Variants in GPHN observed in about 807,000 individuals in gnomAD.
The protein encoded by GPHN is gephyrin.
GPHN carries 17 observed loss-of-function variants against 95.5 expected under a neutral mutation model. The ratio of observed to expected loss-of-function variants is 0.18; its 90% CI spans 0.12 to 0.27. GPHN has a LOEUF of 0.27. GPHN is among the 10% of genes least tolerant of loss of function. The pLI, the probability that GPHN is intolerant of heterozygous loss-of-function variation, is 1.00. For missense variants in GPHN, 660 were observed against 978.1 expected (o/e 0.67, Z 4.34); for synonymous variants, 320 against 322.5 (o/e 0.99, Z 0.08).
At chr14:67,002,033 C>G (rs935790345) in intron 9 of GPHN, among the ~76,000 whole-genome samples, 4 of 151,598 alleles carry the variant, frequency 2.6e-5, no homozygotes, top group Admixed American at 1.3e-4. Flanking sequence ...CAAAGCATTT[C>G]CTTCCCAACC....
the GPHN span, among the ~76,000 whole-genome samples, chr14:67,324,348 A>G: frequency 5.9e-5 from 9 of 152,196 alleles, no homozygotes. Context: ...ATAAGACAGC[A>G]TTGACTTTTT....
At chr14:67,401,115 C>G in the GPHN span, among the ~76,000 whole-genome samples, 1 of 151,922 alleles carries the variant, frequency 6.6e-6, no homozygotes, top group South Asian at 2.1e-4. Context: ...GAGATACATC[C>G]CCTTTAAAGA....
chr14:66,556,945 A>T (rs2060026616), intron 1 of GPHN, among the ~76,000 whole-genome samples: 1 of 152,152 alleles, frequency 6.6e-6, no homozygotes, highest in Non-Finnish European at 1.5e-5. Flanking sequence ...CATGCCTCTA[A>T]TTCCTGAACT....
At chr14:66,981,294 C>T (rs904745666) in intron 9 of GPHN, among the ~76,000 whole-genome samples, 3 of 152,012 alleles carry the variant, frequency 2.0e-5, no homozygotes, top group African/African-American at 7.2e-5. Context: ...TTTCTTCCTT[C>T]CTTTATACTT....
chr14:67,694,513 TA>T, the GPHN span, among the ~76,000 whole-genome samples: 2 of 135,990 alleles, frequency 1.5e-5, no homozygotes, highest in African/African-American at 5.6e-5. Flanking sequence ...TATACACACA[TA>T]TATTTTTTTT....
the GPHN span, chr14:67,575,421 G>A: frequency 6.2e-7 from 1 of 1,610,194 alleles, no homozygotes. Context: ...AGGTGGTCTG[G>A]TGCGCTCTTG....
At chr14:66,574,725 C>T (rs961098885) in intron 1 of GPHN, among the ~76,000 whole-genome samples, 8 of 152,176 alleles carry the variant, frequency 5.3e-5, no homozygotes, top group Non-Finnish European at 1.2e-4. Flanking sequence ...GGTCTGCTGT[C>T]AGTGTGGGTA....
At chr14:67,589,736 C>A in the GPHN span, 6,682 of 1,014,052 alleles carry the variant, frequency 6.6e-3, 192 homozygotes, top group East Asian at 0.12. Flanking sequence ...ATGTCAGTTT[C>A]CCATTGTTTT....
At chr14:67,580,819 TG>T in the GPHN span, 2 of 656,140 alleles carry the variant, frequency 3.0e-6, no homozygotes, top group Non-Finnish European at 5.4e-6. Flanking sequence ...AGCCTCCTGG[TG>T]GGAGGACTTT....
chr14:66,900,487 T>G (rs946049378), intron 5 of GPHN, among the ~76,000 whole-genome samples: 1 of 151,768 alleles, frequency 6.6e-6, no homozygotes, highest in African/African-American at 2.4e-5. Flanking sequence ...TAGGTCTTAT[T>G]TCTTCTATCA....
the GPHN span, among the ~76,000 whole-genome samples, chr14:67,409,577 C>T: frequency 6.6e-6 from 1 of 152,174 alleles, no homozygotes; most frequent in Non-Finnish European, 1.5e-5. Context: ...CTGCTCACGG[C>T]TCATCCCCCA....
At chr14:67,307,590 A>T in the GPHN span, among the ~76,000 whole-genome samples, 1 of 152,238 alleles carries the variant, frequency 6.6e-6, no homozygotes, top group African/African-American at 2.4e-5. Context: ...CATTATAGGT[A>T]TAAAAATGTA....
chr14:67,508,003 G>T, the GPHN span, among the ~76,000 whole-genome samples: 1 of 151,962 alleles, frequency 6.6e-6, no homozygotes, highest in African/African-American at 2.4e-5. Context: ...CCGGACGTGG[G>T]GGCGCATGCC....
At chr14:67,102,191 G>A (rs1482188391) in intron 13 of GPHN, among the ~76,000 whole-genome samples, 1 of 151,916 alleles carries the variant, frequency 6.6e-6, no homozygotes, top group Non-Finnish European at 1.5e-5. Flanking sequence ...TTATGTTTAA[G>A]AGGAAATAGC....
At chr14:66,954,246 A>G (rs1444987518) in intron 8 of GPHN, among the ~76,000 whole-genome samples, 4 of 152,204 alleles carry the variant, frequency 2.6e-5, no homozygotes, top group Non-Finnish European at 5.9e-5. Flanking sequence ...TCTTAACAAT[A>G]TTAAGTATTG....
At chr14:66,776,409 A>T (rs2059384123) in intron 2 of GPHN, 55 bp from the exon 3 acceptor site, 2 of 1,023,796 alleles carry the variant, frequency 2.0e-6, no homozygotes, top group Non-Finnish European at 1.6e-6. Flanking sequence ...GAAATCTTTC[A>T]TACATTTTAA....
At chr14:67,266,916 C>G in the GPHN span, among the ~76,000 whole-genome samples, 1 of 151,898 alleles carries the variant, frequency 6.6e-6, no homozygotes, top group African/African-American at 2.4e-5. Flanking sequence ...TCGACACCAG[C>G]CTGGGCAACA....
At chr14:67,731,207 C>CTTTTTTTTTTTTTTT in the GPHN span, among the ~76,000 whole-genome samples, 5 of 90,612 alleles carry the variant, frequency 5.5e-5, no homozygotes, top group African/African-American at 9.8e-5. Context: ...TTCTTTCTTT[C>CTTTTTTTTTTTTTTT]TTTTTTTTTT....
At chr14:67,634,247 G>T in the GPHN span, among the ~76,000 whole-genome samples, 1 of 151,954 alleles carries the variant, frequency 6.6e-6, no homozygotes, top group African/African-American at 2.4e-5. Context: ...TTTTTAAAAC[G>T]TATGACTCAA....
Sources: allele counts gnomAD v4.1 joint callset (sites outside exome capture counted in the v4.1 genomes callset), GRCh38; gene constraint gnomAD v4.1.1; transcripts MANE v1.5; gene names NCBI Gene and HGNC (gene_info 2026-07-23, HGNC 2026-07-21).